Variants in TNKS observed in about 807,000 individuals in gnomAD.
The protein encoded by TNKS is poly [ADP-ribose] polymerase tankyrase-1.
Under a neutral mutation model 135.8 loss-of-function variants are expected in TNKS, and 72 were observed. The ratio of observed to expected loss-of-function variants is 0.53; its 90% CI spans 0.44 to 0.64. The LOEUF (loss-of-function observed/expected upper bound fraction) is 0.64, where lower values mean the gene tolerates loss of function less well. Among genes scored for constraint, TNKS ranks in the 30% least tolerant of loss-of-function variants. TNKS has a pLI of 0.00. For missense variants in TNKS, 1,769 were observed against 1,674.0 expected (o/e 1.06, Z -0.99); for synonymous variants, 849 against 649.3 (o/e 1.31, Z -4.68).
chr8:9,659,492 A>T (rs1384359348), intron 3 of TNKS, among the ~76,000 whole-genome samples: 1 of 152,216 alleles, frequency 6.6e-6, no homozygotes, highest in Non-Finnish European at 1.5e-5. Flanking sequence ...ACTACTGGGT[A>T]CCTAACAAAA....
At chr8:9,640,413 CT>C (rs1409319991) in intron 3 of TNKS, among the ~76,000 whole-genome samples, 1 of 144,946 alleles carries the variant, frequency 6.9e-6, no homozygotes, top group Non-Finnish European at 1.5e-5. Context: ...AACATATGAA[CT>C]TTGGGGGATA....
At chr8:9,680,079 T>G in intron 4 of TNKS, 92 bp downstream of exon 4, 6 of 877,298 alleles carry the variant, frequency 6.8e-6, no homozygotes, top group Non-Finnish European at 9.5e-6. Flanking sequence ...ATAACGTTAT[T>G]GTCTTGCTTG....
At chr8:9,670,889 C>T (rs1045463276) in intron 3 of TNKS, 1 of 152,162 alleles carries the variant, frequency 6.6e-6, no homozygotes, top group African/African-American at 2.4e-5. Flanking sequence ...TGTTTACCAT[C>T]ATTTCTAAAT....
At chr8:9,772,241 A>AGACT in intron 26 of TNKS, 2 of 372,982 alleles carry the variant, frequency 5.4e-6, no homozygotes, top group South Asian at 4.1e-5. Flanking sequence ...TTCTTATTAC[A>AGACT]GACTTACTTT....
At chr8:9,606,808 A>C (rs1292455786) in intron 2 of TNKS, among the ~76,000 whole-genome samples, 1 of 152,086 alleles carries the variant, frequency 6.6e-6, no homozygotes, top group African/African-American at 2.4e-5. Flanking sequence ...CTTCCTCTGA[A>C]GAATTTTTAT....
chr8:9,779,701 C>G lies in TNKS; in HGVS notation c.*2965C>G, dbSNP rs1808382204. ...TCTTAAAAAAGGAGACCAGATACCT[C>G]CTAGCTTTTGTATCACAACCAGGAA... On this transcript the variant is annotated 3_prime_UTR_variant, in exon 27 of 27. Transcript: ENST00000310430. 1 of 152,192 alleles carries G rather than the reference C, an allele frequency of 6.6e-6. No homozygotes were observed. Among genetic ancestry groups the G allele is most frequent in the Non-Finnish European group, 1.5e-5 (1 of 68,038 alleles). The allele number at this position is 152,192 out of a possible 1,614,324, so 9.4% of individuals were successfully genotyped here. A position where few individuals can be genotyped will look rare whatever the true frequency, so the allele number is the denominator to read the frequency against.
At chr8:9,676,902 A>G (rs928657542) in intron 3 of TNKS, among the ~76,000 whole-genome samples, 5 of 152,158 alleles carry the variant, frequency 3.3e-5, no homozygotes, top group Admixed American at 2.6e-4. Flanking sequence ...ATAATTGCCT[A>G]GTTTCCTTTC....
intron 1 of TNKS, 178 bp downstream of exon 1, chr8:9,556,790 GT>G: frequency 2.1e-6 from 1 of 469,184 alleles, no homozygotes; most frequent in Non-Finnish European, 3.7e-6. Flanking sequence ...TGGGGGCGTG[GT>G]TGGGGGGGAT....
At chr8:9,612,750 T>C (rs1489228177) in intron 2 of TNKS, among the ~76,000 whole-genome samples, 1 of 152,148 alleles carries the variant, frequency 6.6e-6, no homozygotes, top group Non-Finnish European at 1.5e-5. Context: ...TTAGGACCGT[T>C]GAACAACGTG....
intron 17 of TNKS, 33 bp from the exon 18 acceptor site, chr8:9,747,991 C>A: frequency 6.4e-7 from 1 of 1,572,654 alleles, no homozygotes; most frequent in South Asian, 1.2e-5. Flanking sequence ...TGATCTCATT[C>A]TTAACTCTTT....
intron 14 of TNKS, among the ~76,000 whole-genome samples, chr8:9,731,784 A>T (rs2128817894): frequency 6.6e-6 from 1 of 151,986 alleles, no homozygotes; most frequent in East Asian, 1.9e-4. Flanking sequence ...ACATTATATG[A>T]ATTTTGTTTT....
intron 2 of TNKS, 188 bp from the exon 3 acceptor site, chr8:9,615,394 C>T: frequency 4.4e-6 from 2 of 452,392 alleles, no homozygotes; most frequent in Non-Finnish European, 7.8e-6. Flanking sequence ...CCATAAGTTG[C>T]CAACTTCATT....
rs374371985 is a variant in TNKS, at chr8:9,624,692, G to A, written c.994+9015G>A. On this transcript the variant is annotated intron_variant, in intron 3 of 26. Transcript: ENST00000310430. ...AAACCTGGCCTTATAGAATGAGTTA[G>A]TTTTCCTTTTATTTTCTGGAAGAGA... Among the ~76,000 whole-genome samples, 3 of 152,042 alleles carry A rather than the reference G, an allele frequency of 2.0e-5. No individual in the cohort carries two copies. In the East Asian group the frequency reaches 5.8e-4, roughly 29 times the overall value.
At chr8:9,754,407 A>G (rs907939696) in intron 20 of TNKS, among the ~76,000 whole-genome samples, 1 of 152,138 alleles carries the variant, frequency 6.6e-6, no homozygotes, top group African/African-American at 2.4e-5. Context: ...TTGGCCCATT[A>G]TGGTTCCCTT....
intron 18 of TNKS, among the ~76,000 whole-genome samples, chr8:9,751,145 C>T (rs758705258): frequency 3.3e-5 from 5 of 152,202 alleles, no homozygotes; most frequent in East Asian, 3.9e-4. Flanking sequence ...GACTATCTCC[C>T]GCATACTCGA....
At chr8:9,648,896 G>A (rs987206274) in intron 3 of TNKS, among the ~76,000 whole-genome samples, 3 of 150,338 alleles carry the variant, frequency 2.0e-5, no homozygotes, top group Non-Finnish European at 3.0e-5. Flanking sequence ...TCTAGGCTTA[G>A]AACTAAGAAT....
chr8:9,665,771 C>A (rs941848898), intron 3 of TNKS, among the ~76,000 whole-genome samples: 1 of 152,134 alleles, frequency 6.6e-6, no homozygotes, highest in Non-Finnish European at 1.5e-5. Flanking sequence ...TGAATTCACT[C>A]TCGTGAATTC....
chr8:9,743,406 T>C (rs1273922261), intron 17 of TNKS: 1 of 152,206 alleles, frequency 6.6e-6, no homozygotes, highest in African/African-American at 2.4e-5. Flanking sequence ...CTCTTCTGTT[T>C]TATAACCCAG....
chr8:9,693,826 C>G (rs1253558170), intron 5 of TNKS, among the ~76,000 whole-genome samples: 1 of 152,160 alleles, frequency 6.6e-6, no homozygotes, highest in Non-Finnish European at 1.5e-5. Context: ...CACACGCACA[C>G]ACAATTTTCT....
Sources: gnomAD v4.1 joint callset for allele counts (sites outside exome capture counted in the v4.1 genomes callset) on GRCh38, gnomAD v4.1.1 for gene constraint, MANE v1.5 for transcripts, NCBI Gene and HGNC (gene_info 2026-07-23, HGNC 2026-07-21) for gene names.